The following CACNB2 variants were observed in gnomAD, a reference collection of about 807,000 sequenced individuals.
The protein encoded by CACNB2 is voltage-dependent L-type calcium channel subunit beta-2.
CACNB2 carries 42 observed loss-of-function variants against 73.3 expected under a neutral mutation model. That is an observed-to-expected ratio of 0.57 (90% CI 0.45 to 0.74). The LOEUF is 0.74. Ranked by LOEUF, CACNB2 falls within the 30% of genes least tolerant of loss-of-function variation. The pLI is 0.00. For missense variants in CACNB2, 940 were observed against 853.0 expected, an observed-to-expected ratio of 1.10 and a Z score of -1.27; for synonymous variants, 348 against 310.3, an observed-to-expected ratio of 1.12 and a Z score of -1.28.
intron 2 of CACNB2, among the ~76,000 whole-genome samples, chr10:18,177,675 C>T (rs939091889): frequency 1.3e-5 from 2 of 151,986 alleles, no homozygotes; most frequent in Non-Finnish European, 2.9e-5. Context: ...CAAGCGGCTC[C>T]ATCTTGGTAG....
intron 2 of CACNB2, among the ~76,000 whole-genome samples, chr10:18,246,399 T>C (rs2036860062): frequency 6.6e-6 from 1 of 152,096 alleles, no homozygotes. Context: ...AGTTCTCTCT[T>C]TCTTTTAAAA....
At chr10:18,360,759 C>T (rs962066234) in intron 2 of CACNB2, among the ~76,000 whole-genome samples, 2 of 152,138 alleles carry the variant, frequency 1.3e-5, no homozygotes, top group Non-Finnish European at 2.9e-5. Context: ...CTGTATATTC[C>T]CCTGCATCTG....
At chr10:18,444,080 T>C (rs540298773) in intron 3 of CACNB2, among the ~76,000 whole-genome samples, 1 of 152,258 alleles carries the variant, frequency 6.6e-6, no homozygotes, top group East Asian at 1.9e-4. Context: ...CTCTTAAGGA[T>C]TCTCCCTGCT....
chr10:18,473,215 C>T (rs921543719), intron 3 of CACNB2, among the ~76,000 whole-genome samples: 2 of 152,152 alleles, frequency 1.3e-5, no homozygotes, highest in African/African-American at 4.8e-5. Flanking sequence ...CGCCTGTTAA[C>T]GTATCACAGG....
chr10:18,321,474 C>T (rs1213599030), intron 2 of CACNB2, among the ~76,000 whole-genome samples: 3 of 152,094 alleles, frequency 2.0e-5, no homozygotes, highest in African/African-American at 7.2e-5. Context: ...TTTGACAGCA[C>T]AATAGGGTGA....
chr10:18,460,670 C>G (rs2047523838), intron 3 of CACNB2, among the ~76,000 whole-genome samples: 1 of 152,038 alleles, frequency 6.6e-6, no homozygotes, highest in Non-Finnish European at 1.5e-5. Context: ...GCGGGAAGAT[C>G]ACTTGAGCCC....
rs143157028 is a variant in CACNB2, at chr10:18,412,390, C to T, written c.333+10347C>T. Reference sequence around the variant, plus strand: ...TCTGCATGCCTTGTGAAATAAACAACGCTGTCCTCCCTTCTGTCCTATTTT... The same window carrying T: ...TCTGCATGCCTTGTGAAATAAACAATGCTGTCCTCCCTTCTGTCCTATTTT... On this transcript the variant is annotated intron_variant, in intron 3 of 13. Coordinates refer to ENST00000324631, the MANE Select transcript of CACNB2 (RefSeq NM_201596.3). Among the ~76,000 whole-genome samples the T allele has an allele frequency of 1.2e-3, 186 of 152,258 alleles. 1 individual carries two copies. Among genetic ancestry groups the T allele is most frequent in the African/African-American group, 4.2e-3 (173 of 41,542 alleles).
At chr10:18,472,968 G>A (rs2048267663) in intron 3 of CACNB2, among the ~76,000 whole-genome samples, 1 of 152,188 alleles carries the variant, frequency 6.6e-6, no homozygotes. Context: ...TTTGAGCATC[G>A]CTGCTGTAGA....
chr10:18,140,796 G>C lies in CACNB2; in HGVS notation c.60G>C (p.Glu20Asp), dbSNP rs1046365611. Residue 20 changes from glutamate (E) to aspartate (D), a missense_variant, in exon 1 of 14, where the codon GAG (glutamate) becomes GAC (aspartate). Glu to Asp is a conservative substitution (Grantham distance 45). Coordinates refer to ENST00000324631, the MANE Select transcript of CACNB2 (RefSeq NM_201596.3). ...PPTAAAAVAQ[E>D]IQMELLENVA... ...CAGCGGCGGCGGCGGTGGCGCAGGAGATCCAGATGGAACTGCTAGAGAACG... is the reference window on the plus strand; with the variant it reads ...CAGCGGCGGCGGCGGTGGCGCAGGACATCCAGATGGAACTGCTAGAGAACG... The C allele has an allele frequency of 1.9e-6, 3 of 1,603,058 alleles. No homozygotes were observed. Among genetic ancestry groups the C allele is most frequent in the Non-Finnish European group, 1.7e-6 (2 of 1,176,370 alleles).
chr10:18,244,706 C>A (rs1319774648), intron 2 of CACNB2, among the ~76,000 whole-genome samples: 1 of 152,192 alleles, frequency 6.6e-6, no homozygotes, highest in African/African-American at 2.4e-5. Context: ...ATGTGGGGCA[C>A]TAGAGTAGGC....
intron 2 of CACNB2, among the ~76,000 whole-genome samples, chr10:18,322,252 G>A (rs1012708239): frequency 1.3e-5 from 2 of 152,022 alleles, no homozygotes; most frequent in Admixed American, 1.3e-4. Context: ...TTAACATCTT[G>A]GAAATCAGAG....
At chr10:18,146,412 C>G (rs2030988450) in intron 1 of CACNB2, among the ~76,000 whole-genome samples, 1 of 148,906 alleles carries the variant, frequency 6.7e-6, no homozygotes, top group East Asian at 2.0e-4. Context: ...CATGTTGAAG[C>G]AATTGTCCTG....
intron 7 of CACNB2, among the ~76,000 whole-genome samples, chr10:18,517,435 A>C (rs2051391992): frequency 6.6e-6 from 1 of 152,206 alleles, no homozygotes; most frequent in Admixed American, 6.5e-5. Context: ...AAGTGTTGAC[A>C]GTTTTAGAAA....
intron 2 of CACNB2, among the ~76,000 whole-genome samples, chr10:18,289,281 CTTGTTTTTTTGTT>C (rs1048904206): frequency 7.2e-5 from 7 of 96,942 alleles, no homozygotes; most frequent in Non-Finnish European, 1.2e-4. Flanking sequence ...ATTTTTTTTT[CTTGTTTTTTTGTT>C]TTGTTTTTTT....
intron 3 of CACNB2, among the ~76,000 whole-genome samples, chr10:18,443,000 G>A (rs60572653): frequency 0.1 from 371 of 3,552 alleles, 19 homozygotes; most frequent in Non-Finnish European, 0.12. Context: ...ATATATATGT[G>A]TATATATATA....
chr10:18,518,869 T>C, intron 8 of CACNB2, 41 bp from the exon 9 acceptor site: 1 of 1,560,290 alleles, frequency 6.4e-7, no homozygotes, highest in South Asian at 1.1e-5. Flanking sequence ...GTTAGTAATT[T>C]TTTTTGGTCA....
chr10:18,446,963 G>A (rs1393413046), intron 3 of CACNB2, among the ~76,000 whole-genome samples: 1 of 152,040 alleles, frequency 6.6e-6, no homozygotes, highest in African/African-American at 2.4e-5. Flanking sequence ...GGAAGCTGAG[G>A]TAGGAGGATT....
intron 5 of CACNB2, among the ~76,000 whole-genome samples, chr10:18,502,058 C>G (rs1339886443): frequency 6.6e-6 from 1 of 152,132 alleles, no homozygotes; most frequent in Non-Finnish European, 1.5e-5. Context: ...CCTGTAATCC[C>G]AGCACTGGGA....
At chr10:18,218,589 A>G (rs916319893) in intron 2 of CACNB2, among the ~76,000 whole-genome samples, 4 of 152,132 alleles carry the variant, frequency 2.6e-5, no homozygotes, top group Admixed American at 2.0e-4. Context: ...CTGCTATTCA[A>G]AATACTTCTG....
Sources: allele counts gnomAD v4.1 joint callset (sites outside exome capture counted in the v4.1 genomes callset), GRCh38; gene constraint gnomAD v4.1.1; transcripts MANE v1.5; gene names NCBI Gene and HGNC (gene_info 2026-07-23, HGNC 2026-07-21).